Variants in RPS6KC1 observed in about 807,000 individuals in gnomAD.
The protein encoded by RPS6KC1 is inactive ribosomal protein S6 kinase delta-1.
In RPS6KC1, 54 loss-of-function variants were observed where a neutral mutation model predicts 103.8. The observed-to-expected ratio is 0.52, with a 90% confidence interval of 0.42 to 0.65. The LOEUF is 0.65. RPS6KC1 is among the 30% of genes least tolerant of loss of function. RPS6KC1 has a pLI of 0.00. For synonymous variants in RPS6KC1, 439 were observed against 438.7 expected (o/e 1.00, Z -0.01); for missense variants, 1,151 against 1,253.8 (o/e 0.92, Z 1.24).
At chr1:213,715,025 A>G in the RPS6KC1 span, among the ~76,000 whole-genome samples, 232 of 152,308 alleles carry the variant, frequency 1.5e-3, no homozygotes, top group African/African-American at 5.2e-3. Flanking sequence ...AGAACAGCAG[A>G]ACCAGAGGGA....
chr1:213,409,307 C>A, the RPS6KC1 span, among the ~76,000 whole-genome samples: 2 of 151,986 alleles, frequency 1.3e-5, no homozygotes, highest in Non-Finnish European at 2.9e-5. Context: ...TGTGGGGATG[C>A]CGTGACAGAC....
At chr1:213,723,839 G>A in the RPS6KC1 span, among the ~76,000 whole-genome samples, 1 of 151,758 alleles carries the variant, frequency 6.6e-6, no homozygotes, top group East Asian at 1.9e-4. Context: ...ATATTCTGGT[G>A]CAGAGAGAGA....
the RPS6KC1 span, among the ~76,000 whole-genome samples, chr1:213,488,452 G>T: frequency 1.3e-5 from 2 of 152,210 alleles, no homozygotes; most frequent in Non-Finnish European, 2.9e-5. Context: ...CTGGCAGGAG[G>T]TGGCAGCAGG....
the RPS6KC1 span, among the ~76,000 whole-genome samples, chr1:213,777,690 A>C: frequency 3.3e-5 from 5 of 152,248 alleles, no homozygotes; most frequent in African/African-American, 1.2e-4. Flanking sequence ...AGCAAGGTGC[A>C]ATAAAACGAA....
At chr1:213,493,569 C>T in the RPS6KC1 span, among the ~76,000 whole-genome samples, 10 of 152,200 alleles carry the variant, frequency 6.6e-5, no homozygotes, top group Non-Finnish European at 1.0e-4. Context: ...ATGATAGGAA[C>T]GTACTTAATG....
the RPS6KC1 span, among the ~76,000 whole-genome samples, chr1:213,637,087 A>G: frequency 6.6e-6 from 1 of 152,072 alleles, no homozygotes; most frequent in Non-Finnish European, 1.5e-5. Context: ...CCAGTTAGAA[A>G]GGTGATCATT....
the RPS6KC1 span, among the ~76,000 whole-genome samples, chr1:213,508,205 A>G: frequency 2.6e-5 from 4 of 152,346 alleles, no homozygotes; most frequent in East Asian, 1.9e-4. Flanking sequence ...TACCCATTGT[A>G]TCATTAAGGC....
chr1:213,094,244 CATG>C (rs1267841680), intron 3 of RPS6KC1, among the ~76,000 whole-genome samples: 2 of 152,126 alleles, frequency 1.3e-5, no homozygotes, highest in African/African-American at 4.8e-5. Flanking sequence ...ATGCAGACAT[CATG>C]ATATTTCATC....
the RPS6KC1 span, among the ~76,000 whole-genome samples, chr1:213,448,091 G>T: frequency 6.6e-6 from 1 of 151,650 alleles, no homozygotes. Context: ...TAAAAAAATT[G>T]GCTAGGTGTG....
the RPS6KC1 span, among the ~76,000 whole-genome samples, chr1:213,348,420 T>C: frequency 6.6e-6 from 1 of 152,190 alleles, no homozygotes. Context: ...CAATGAAACA[T>C]AGAGAAGTCT....
rs1377451274 is a variant in RPS6KC1, at chr1:213,077,807, A to G, written c.253A>G (p.Ile85Val). Reference protein sequence around the residue: ...SELFPPFAKGIVFGRFDETVI... With the variant: ...SELFPPFAKGVVFGRFDETVI... ...GTTGTTTCCTCCATTTGCTAAAGGA[A>G]TAGTGTTTGGTAAGTGATTATTTTG... Residue 85 changes from isoleucine to valine, a missense_variant, in exon 3 of 15, where the codon ATA becomes GTA. Around this residue, in one of 3 missense-constraint regions of RPS6KC1, gnomAD observed 959 missense variants for 1,006.3 expected, o/e 0.95. Transcript: ENST00000366960. 1 of 1,545,648 alleles carries G rather than the reference A, an allele frequency of 6.5e-7. No homozygotes were observed. The highest frequency in any genetic ancestry group is 8.8e-7 in the Non-Finnish European group (1 of 1,141,586).
the RPS6KC1 span, among the ~76,000 whole-genome samples, chr1:213,361,049 A>G: frequency 6.6e-6 from 1 of 152,042 alleles, no homozygotes; most frequent in Non-Finnish European, 1.5e-5. Flanking sequence ...CAGATCTCAA[A>G]CTCCATGCTG....
chr1:213,352,467 G>C, the RPS6KC1 span, among the ~76,000 whole-genome samples: 2 of 152,132 alleles, frequency 1.3e-5, no homozygotes, highest in African/African-American at 4.8e-5. Flanking sequence ...CTGGTGGCAA[G>C]ACTGGGGATC....
intron 6 of RPS6KC1, among the ~76,000 whole-genome samples, chr1:213,163,486 A>G (rs2090669862): frequency 6.6e-6 from 1 of 152,250 alleles, no homozygotes; most frequent in Non-Finnish European, 1.5e-5. Flanking sequence ...ACACAGATAT[A>G]GACATACTGT....
chr1:213,117,307 A>T lies in RPS6KC1; in HGVS notation c.379-10A>T, dbSNP rs371543027. ...ATGCTAATGAAACACAATTGCTCTT[A>T]TCTCTTTAGGGTGGAATAATTAATG... On this transcript the variant is annotated splice_polypyrimidine_tract_variant and intron_variant, in intron 4 of 14. Coordinates refer to ENST00000366960, the MANE Select transcript of RPS6KC1 (RefSeq NM_012424.6). 2.9e-5 allele frequency: 45 copies of T among 1,530,022 alleles called. No individual in the cohort carries two copies. The African/African-American group carries it at 5.6e-4, about 19-fold the overall frequency. The allele number at this position is 1,530,022 out of a possible 1,614,324, so 94.8% of individuals were successfully genotyped here.
At chr1:213,419,624 C>T in the RPS6KC1 span, among the ~76,000 whole-genome samples, 776 of 152,348 alleles carry the variant, frequency 5.1e-3, 4 homozygotes, top group African/African-American at 0.018. Context: ...TCAGTGCTAA[C>T]ATTCAACTGC....
the RPS6KC1 span, among the ~76,000 whole-genome samples, chr1:213,493,670 C>T: frequency 6.6e-6 from 1 of 152,210 alleles, no homozygotes; most frequent in Admixed American, 6.5e-5. Context: ...TTCTCTTCTC[C>T]TACTGCTCCC....
the RPS6KC1 span, among the ~76,000 whole-genome samples, chr1:213,660,511 A>G: frequency 6.6e-6 from 1 of 152,234 alleles, no homozygotes; most frequent in Non-Finnish European, 1.5e-5. Flanking sequence ...TCATGCGCCT[A>G]ATTTATTTAT....
intron 6 of RPS6KC1, among the ~76,000 whole-genome samples, chr1:213,164,637 A>AC (rs2090789957): frequency 6.6e-6 from 1 of 152,180 alleles, no homozygotes; most frequent in African/African-American, 2.4e-5. Context: ...AGCGTGGCTC[A>AC]CCACAGCCAT....
Sources: gnomAD v4.1 joint callset for allele counts (sites outside exome capture counted in the v4.1 genomes callset) on GRCh38, gnomAD v4.1.1 for gene constraint, gnomAD v4.1.1 regional missense constraint, MANE v1.5 for transcripts, NCBI Gene and HGNC (gene_info 2026-07-23, HGNC 2026-07-21) for gene names.